Variants in WDPCP observed in about 807,000 individuals in gnomAD.
WDPCP encodes the protein WD repeat containing planar cell polarity effector, also known as WD repeat-containing and planar cell polarity effector protein fritz homolog.
A neutral mutation model predicts 93.1 loss-of-function variants in WDPCP; 71 were observed. That is an observed-to-expected ratio of 0.76 (90% CI 0.63 to 0.93). WDPCP has a LOEUF of 0.93. WDPCP is among the 40% of genes least tolerant of loss of function. The pLI is 0.00. For synonymous variants in WDPCP, 315 were observed against 315.0 expected, an observed-to-expected ratio of 1.00 and a Z score of 0.00; for missense variants, 844 against 887.4, an observed-to-expected ratio of 0.95 and a Z score of 0.62.
At chr2:63,820,225 G>A (rs564618459) in intron 1 of WDPCP, among the ~76,000 whole-genome samples, 1 of 152,220 alleles carries the variant, frequency 6.6e-6, no homozygotes, top group South Asian at 2.1e-4. Flanking sequence ...TCAGGAAAAT[G>A]AATAGTTTAG....
rs544018247 is a variant in WDPCP, at chr2:63,768,238, T to G, written n.308+45384A>C. 2.0e-5 allele frequency among the ~76,000 whole-genome samples: 3 copies of G among 152,190 alleles called. No homozygotes were observed. In the South Asian group the frequency reaches 6.2e-4, roughly 32 times the overall value. On this transcript the variant is annotated intron_variant and non_coding_transcript_variant, in intron 2 of 4. Transcript: ENST00000467687. ...TAAAAATCAATGGACCATACATGTG[T>G]AGGCCTATTTCTGAAGTCTCTATTT...
intron 1 of WDPCP, among the ~76,000 whole-genome samples, chr2:63,538,236 G>A (rs1001315530): frequency 2.6e-5 from 4 of 151,898 alleles, no homozygotes; most frequent in African/African-American, 9.7e-5. Flanking sequence ...ATAAATTACT[G>A]TCAGCAATAT....
intron 9 of WDPCP, among the ~76,000 whole-genome samples, chr2:63,429,371 C>T (rs940096410): frequency 5.9e-5 from 9 of 152,042 alleles, no homozygotes; most frequent in African/African-American, 2.2e-4. Context: ...AGCTTCTACA[C>T]AGCAAGAAAC....
At chr2:63,733,353 C>T (rs1452460843) in intron 2 of WDPCP, among the ~76,000 whole-genome samples, 2 of 149,472 alleles carry the variant, frequency 1.3e-5, no homozygotes, top group Non-Finnish European at 3.0e-5. Context: ...GTGCCCGCCA[C>T]CGCGCCCGGC....
chr2:63,551,689 A>G (rs1037344319), intron 1 of WDPCP, among the ~76,000 whole-genome samples: 1 of 152,208 alleles, frequency 6.6e-6, no homozygotes, highest in Non-Finnish European at 1.5e-5. Context: ...CATGTTGGAC[A>G]CACTGCTCTT....
intron 1 of WDPCP, among the ~76,000 whole-genome samples, chr2:63,523,664 C>A (rs541459779): frequency 6.6e-4 from 101 of 152,354 alleles, no homozygotes; most frequent in African/African-American, 2.3e-3. Context: ...GTAATCCCAG[C>A]ACTTTGAGAG....
At chr2:63,340,344 A>G (rs1688749654) in intron 12 of WDPCP, among the ~76,000 whole-genome samples, 1 of 152,174 alleles carries the variant, frequency 6.6e-6, no homozygotes. Flanking sequence ...CCTGTGAAAC[A>G]TACCTCCTAA....
intron 15 of WDPCP, among the ~76,000 whole-genome samples, chr2:63,169,028 C>A (rs1044750412): frequency 3.9e-5 from 6 of 152,192 alleles, no homozygotes; most frequent in Non-Finnish European, 8.8e-5. Flanking sequence ...ATACAACCAT[C>A]AGTGAGCTTA....
intron 2 of WDPCP, among the ~76,000 whole-genome samples, chr2:63,765,357 C>A (rs973558980): frequency 1.3e-5 from 2 of 152,078 alleles, no homozygotes; most frequent in African/African-American, 4.8e-5. Context: ...TTGAGGCCAG[C>A]GGGCTTAAGC....
At chr2:63,222,893 C>T (rs1230388396) in intron 14 of WDPCP, among the ~76,000 whole-genome samples, 2 of 151,672 alleles carry the variant, frequency 1.3e-5, no homozygotes, top group African/African-American at 2.4e-5. Context: ...ATTATGAGTT[C>T]GATTTGAGTA....
Position 63,120,795 on chromosome 2 carries a change from A to G in WDPCP, c.*1211T>C, listed in dbSNP as rs1374431902. ...GTGATTCGCCCGCCTTGGCCTCCCAAAGTGCTGGGATTACAGGCGTGAGCC... is the reference window on the plus strand; with the variant it reads ...GTGATTCGCCCGCCTTGGCCTCCCAGAGTGCTGGGATTACAGGCGTGAGCC... On this transcript the variant is annotated 3_prime_UTR_variant, in exon 18 of 18. Transcript: ENST00000272321. 6.6e-6 allele frequency among the ~76,000 whole-genome samples: 1 copy of G among 151,814 alleles called. No individual in the cohort carries two copies. The highest frequency in any genetic ancestry group is 1.5e-5 in the Non-Finnish European group (1 of 67,948).
At chr2:63,144,553 C>G (rs1391507833) in intron 17 of WDPCP, among the ~76,000 whole-genome samples, 2 of 152,220 alleles carry the variant, frequency 1.3e-5, no homozygotes, top group Admixed American at 6.5e-5. Flanking sequence ...CATGCCTGGG[C>G]AGCATTTCAC....
chr2:63,589,477 A>G (rs897603534), upstream of WDPCP: 4 of 1,267,926 alleles, frequency 3.2e-6, no homozygotes, highest in Admixed American at 7.9e-5. Context: ...GGGACCTTGA[A>G]AGCAAAAAGC....
chr2:63,836,809 G>C, the WDPCP span, among the ~76,000 whole-genome samples: 1 of 152,176 alleles, frequency 6.6e-6, no homozygotes, highest in Non-Finnish European at 1.5e-5. Context: ...AAATAGTAAG[G>C]ACCTGCTTCC....
intron 3 of WDPCP, among the ~76,000 whole-genome samples, chr2:63,600,563 C>G (rs898715315): frequency 1.3e-5 from 2 of 152,174 alleles, no homozygotes; most frequent in African/African-American, 4.8e-5. Flanking sequence ...TAAATAAGAT[C>G]TGTTTTAAGC....
At chr2:63,772,997 CTG>C (rs1670250962) in intron 2 of WDPCP, among the ~76,000 whole-genome samples, 1 of 151,978 alleles carries the variant, frequency 6.6e-6, no homozygotes, top group Non-Finnish European at 1.5e-5. Flanking sequence ...AATGATAAAA[CTG>C]TTATTACTCA....
intron 12 of WDPCP, among the ~76,000 whole-genome samples, chr2:63,320,266 T>C (rs1321528639): frequency 2.0e-5 from 3 of 152,114 alleles, no homozygotes; most frequent in Non-Finnish European, 2.9e-5. Flanking sequence ...ATAAAGACAT[T>C]TGCAGGAAGA....
At chr2:63,446,937 T>C (rs1399898627) in intron 6 of WDPCP, among the ~76,000 whole-genome samples, 4 of 152,242 alleles carry the variant, frequency 2.6e-5, no homozygotes, top group Non-Finnish European at 1.5e-5. Context: ...ATGCCAAATA[T>C]ATCTCACATA....
chr2:63,521,770 C>T (rs781521205), intron 1 of WDPCP, among the ~76,000 whole-genome samples: 1 of 152,168 alleles, frequency 6.6e-6, no homozygotes, highest in African/African-American at 2.4e-5. Flanking sequence ...AAACTGACCA[C>T]CCAATCGGGC....
Sources: allele counts gnomAD v4.1 joint callset (sites outside exome capture counted in the v4.1 genomes callset), GRCh38; gene constraint gnomAD v4.1.1; transcripts MANE v1.5; gene names NCBI Gene and HGNC (gene_info 2026-07-23, HGNC 2026-07-21).